The following MTFR1 variants were observed in gnomAD, a reference collection of about 807,000 sequenced individuals.
MTFR1 encodes the protein mitochondrial fission regulator 1.
A neutral mutation model predicts 38.8 loss-of-function variants in MTFR1; 28 were observed. The ratio of observed to expected loss-of-function variants is 0.72; its 90% CI spans 0.53 to 0.99. MTFR1 has a LOEUF of 0.99. Ranked by LOEUF, MTFR1 falls within the 50% of genes least tolerant of loss-of-function variation. The pLI is 0.00. For synonymous variants in MTFR1, 145 were observed against 137.0 expected (o/e 1.06, Z -0.41); for missense variants, 358 against 395.5 (o/e 0.91, Z 0.81).
chr8:65,744,086 G>C (rs112728899), intron 3 of MTFR1, among the ~76,000 whole-genome samples: 1 of 152,142 alleles, frequency 6.6e-6, no homozygotes, highest in East Asian at 1.9e-4. Context: ...ACCAGCCTTG[G>C]CCTGCCAAAG....
chr8:65,747,907 T>C, intron 3 of MTFR1: 1 of 567,682 alleles, frequency 1.8e-6, no homozygotes, highest in Non-Finnish European at 2.9e-6. Flanking sequence ...TAAAAATTCA[T>C]TTAAATAATT....
chr8:65,739,048 A>G (rs958324233), intron 3 of MTFR1, among the ~76,000 whole-genome samples: 4 of 152,342 alleles, frequency 2.6e-5, no homozygotes, highest in Middle Eastern at 3.4e-3. Context: ...TTCTGAGCCC[A>G]GGGCTCCAGC....
At chr8:65,774,071 CA>C (rs1809187975), downstream of MTFR1, among the ~76,000 whole-genome samples, 1 of 152,136 alleles carries the variant, frequency 6.6e-6, no homozygotes, top group African/African-American at 2.4e-5. Context: ...AGTCAAAATT[CA>C]AAAGGTCTAC....
At chr8:65,755,864 C>A (rs1330790303) in intron 3 of MTFR1, among the ~76,000 whole-genome samples, 1 of 152,194 alleles carries the variant, frequency 6.6e-6, no homozygotes, top group African/African-American at 2.4e-5. Context: ...CTCAAGAGAT[C>A]TTCTTGCCCT....
At chr8:65,715,768 G>A (rs1462509964) in intron 2 of MTFR1, among the ~76,000 whole-genome samples, 2 of 148,600 alleles carry the variant, frequency 1.3e-5, no homozygotes, top group Admixed American at 6.6e-5. Context: ...GGCGGATCAC[G>A]AGGTCAGGAG....
At chr8:65,756,547 C>T (rs1165044747) in intron 3 of MTFR1, among the ~76,000 whole-genome samples, 3 of 152,086 alleles carry the variant, frequency 2.0e-5, no homozygotes, top group Non-Finnish European at 4.4e-5. Flanking sequence ...TTTTTCATTT[C>T]AGTTATTCTA....
intron 1 of MTFR1, among the ~76,000 whole-genome samples, chr8:65,669,556 GTTT>G (rs969791735): frequency 6.9e-6 from 1 of 144,422 alleles, no homozygotes. Context: ...ACACATGAAG[GTTT>G]TTTTTTTTTT....
intron 3 of MTFR1, among the ~76,000 whole-genome samples, chr8:65,728,912 T>C (rs1212443942): frequency 6.6e-6 from 1 of 152,146 alleles, no homozygotes; most frequent in East Asian, 1.9e-4. Context: ...AGCAACTGAA[T>C]TCTCAAAAAT....
At chr8:65,691,666 T>G (rs532649346) in intron 3 of MTFR1, among the ~76,000 whole-genome samples, 1 of 152,206 alleles carries the variant, frequency 6.6e-6, no homozygotes, top group East Asian at 1.9e-4. Context: ...TGGTTTTTTT[T>G]TGTGACCGAG....
At chr8:65,664,051 A>G (rs1804299801) in intron 1 of MTFR1, among the ~76,000 whole-genome samples, 1 of 151,916 alleles carries the variant, frequency 6.6e-6, no homozygotes, top group Admixed American at 6.6e-5. Flanking sequence ...CCTGACCTGA[A>G]GTGATCCTCC....
downstream of MTFR1, among the ~76,000 whole-genome samples, chr8:65,774,565 T>C (rs1248980944): frequency 1.3e-5 from 2 of 151,948 alleles, no homozygotes; most frequent in African/African-American, 4.8e-5. Context: ...TTTAACTTTA[T>C]ATGGGTTATA....
intron 3 of MTFR1, among the ~76,000 whole-genome samples, chr8:65,729,517 C>T (rs1476732613): frequency 6.6e-6 from 1 of 151,906 alleles, no homozygotes; most frequent in Non-Finnish European, 1.5e-5. Context: ...CATAAAATGT[C>T]CTGAATCAGT....
chr8:65,696,294 CCTTT>C (rs2129056882), intron 4 of MTFR1, among the ~76,000 whole-genome samples: 1 of 152,170 alleles, frequency 6.6e-6, no homozygotes, highest in Non-Finnish European at 1.5e-5. Flanking sequence ...AGGTAAAGAG[CCTTT>C]CTTTTTTAAG....
intron 2 of MTFR1, among the ~76,000 whole-genome samples, chr8:65,681,874 A>G (rs1482521381): frequency 6.6e-6 from 1 of 152,112 alleles, no homozygotes; most frequent in Non-Finnish European, 1.5e-5. Context: ...AGCAAACAAC[A>G]TGGAGCACCC....
At chr8:65,701,258 ATTGT>A (rs1176450704) in intron 4 of MTFR1, among the ~76,000 whole-genome samples, 4 of 152,152 alleles carry the variant, frequency 2.6e-5, no homozygotes, top group African/African-American at 7.2e-5. Context: ...AAACTTCTAA[ATTGT>A]TTGAGACCTG....
At chr8:65,716,269 C>T (rs1465888096) in intron 2 of MTFR1, among the ~76,000 whole-genome samples, 1 of 152,068 alleles carries the variant, frequency 6.6e-6, no homozygotes, top group Non-Finnish European at 1.5e-5. Flanking sequence ...CACAGTTCCC[C>T]TGAGAATGTG....
intron 3 of MTFR1, among the ~76,000 whole-genome samples, chr8:65,764,612 A>G (rs79472230): frequency 4.9e-4 from 75 of 152,372 alleles, no homozygotes; most frequent in East Asian, 3.5e-3. Flanking sequence ...GCTTCCAAAT[A>G]TAACAGAATC....
chr8:65,765,487 TCA>T (rs1808733490), intron 3 of MTFR1: 1 of 19,516 alleles, frequency 5.1e-5, no homozygotes, highest in Admixed American at 9.3e-4. Flanking sequence ...AGACTCCGTC[TCA>T]AAAAAAAAAA....
In MTFR1 at chr8:65,745,558, G is replaced by C. The variant is rs964016333; in HGVS notation, c.*49-25389G>C. 5 of 727,286 alleles carry C rather than the reference G, an allele frequency of 6.9e-6. No homozygotes were observed. The African/African-American group carries it at 9.0e-5, about 13-fold the overall frequency. The allele number at this position is 727,286 out of a possible 1,614,324, so 45.1% of individuals were successfully genotyped here. ...ATTCCATAGAGAAGTTAAAGAAAAT[G>C]TAAAGTGATTGATTTACTTTAAAAA... On this transcript the variant is annotated intron_variant, in intron 3 of 3. Transcript: ENST00000521247.
Sources: allele counts gnomAD v4.1 joint callset (sites outside exome capture counted in the v4.1 genomes callset), GRCh38; gene constraint gnomAD v4.1.1; transcripts MANE v1.5; gene names NCBI Gene and HGNC (gene_info 2026-07-23, HGNC 2026-07-21).